Variants in CARNMT1 observed in about 807,000 individuals in gnomAD.
CARNMT1 encodes carnosine N-methyltransferase 1.
In CARNMT1, 28 loss-of-function variants were observed where a neutral mutation model predicts 49.6. The ratio of observed to expected loss-of-function variants is 0.56; its 90% CI spans 0.42 to 0.77. The LOEUF (loss-of-function observed/expected upper bound fraction) is 0.77. Ranked by LOEUF, CARNMT1 falls within the 30% of genes least tolerant of loss-of-function variation. The pLI is 0.00. For synonymous variants in CARNMT1, 178 were observed against 175.0 expected (o/e 1.02, Z -0.13); for missense variants, 421 against 512.6 (o/e 0.82, Z 1.73).
At position 74,983,483 on chromosome 9, in the gene CARNMT1, T is replaced by C. The variant is rs1391388792; in HGVS notation, c.*284A>G. ...CATCATGAAGACACTGGAGATTAGG[T>C]TTTTTTCCTACTGAAACACAATTCT... On this transcript the variant is annotated 3_prime_UTR_variant, in exon 8 of 8. Transcript: ENST00000376834. 4.1e-6 allele frequency: 1 copy of C among 244,936 alleles called. No homozygotes were observed. Among genetic ancestry groups the C allele is most frequent in the African/African-American group, 2.2e-5 (1 of 44,920 alleles). The allele number at this position is 244,936 out of a possible 1,614,324, so 15.2% of individuals were successfully genotyped here.
chr9:74,986,306 CTT>C (rs1028392826), intron 6 of CARNMT1, among the ~76,000 whole-genome samples: 1 of 152,172 alleles, frequency 6.6e-6, no homozygotes, highest in East Asian at 1.9e-4. Context: ...AAAAGTTTTT[CTT>C]TCTCTCTCCT....
intron 6 of CARNMT1, among the ~76,000 whole-genome samples, chr9:74,993,006 C>G (rs2118769667): frequency 6.6e-6 from 1 of 152,306 alleles, no homozygotes; most frequent in East Asian, 1.9e-4. Context: ...ACTTCATCAT[C>G]TCTTCGAGAC....
Position 75,028,284 on chromosome 9 carries a change from G to A in CARNMT1, c.-43C>T, listed in dbSNP as rs966052966. The A allele has an allele frequency of 3.0e-6, 4 of 1,342,404 alleles. No individual in the cohort carries two copies. 83.2% of individuals were successfully genotyped at this position (1,342,404 alleles called of 1,614,324 possible). A position where few individuals can be genotyped will look rare whatever the true frequency, so the allele number is the denominator to read the frequency against. ...GCCTGGCTCGCTTGCGTCTCTCCGC[G>A]ACCGACAGCGTGGTGGCGGCTGCTT... On this transcript the variant is annotated 5_prime_UTR_variant, in exon 1 of 8. Transcript: ENST00000376834.
At chr9:74,984,875 TA>T (rs749774882) in intron 7 of CARNMT1, 31 bp downstream of exon 7, 1 of 1,443,244 alleles carries the variant, frequency 6.9e-7, no homozygotes, top group Non-Finnish European at 9.7e-7. Flanking sequence ...CTTTGGGAGT[TA>T]AACTTTGGCA....
At chr9:75,021,442 TATAA>T (rs1226741908) in intron 1 of CARNMT1, among the ~76,000 whole-genome samples, 1 of 144,192 alleles carries the variant, frequency 6.9e-6, no homozygotes, top group African/African-American at 2.5e-5. Context: ...GTATATATAA[TATAA>T]ATAGTATATA....
rs1237958385 is a variant in CARNMT1, at chr9:75,017,436, A to G, written c.243T>C (p.His81=). 1 of 1,613,770 alleles carries G rather than the reference A, an allele frequency of 6.2e-7. No homozygotes were observed. Among genetic ancestry groups the G allele is most frequent in the African/African-American group, 1.3e-5 (1 of 75,066 alleles). Residue 81 remains histidine, a synonymous_variant, in exon 2 of 8, where the codon CAT becomes CAC. Coordinates refer to ENST00000376834, the MANE Select transcript of CARNMT1 (RefSeq NM_152420.3). ...NAFRYYGTSM[H]ERVNRTERQF... Reference sequence around the variant, plus strand: ...GTCTTTCTGTTCGGTTCACCCGCTCATGCATACTGGTGCTAAAACATAAAA... The same window carrying G: ...GTCTTTCTGTTCGGTTCACCCGCTCGTGCATACTGGTGCTAAAACATAAAA...
chr9:75,016,728 G>C (rs1017560099), intron 2 of CARNMT1: 1 of 306,362 alleles, frequency 3.3e-6, no homozygotes, highest in East Asian at 6.1e-5. Flanking sequence ...CTCTCTAAGA[G>C]AGGGAAGAAA....
intron 1 of CARNMT1, chr9:75,027,331 GA>G: frequency 1.1e-5 from 9 of 838,492 alleles, no homozygotes; most frequent in South Asian, 5.5e-5. Flanking sequence ...CAGATTTGCA[GA>G]AAAAAAGAAC....
intron 7 of CARNMT1, 25 bp downstream of exon 7, chr9:74,984,882 T>C (rs761164153): frequency 4.7e-6 from 7 of 1,487,122 alleles, no homozygotes; most frequent in East Asian, 2.3e-5. Context: ...AGTTAAACTT[T>C]GGCAATATTT....
intron 6 of CARNMT1, among the ~76,000 whole-genome samples, chr9:74,993,734 A>G (rs961971086): frequency 6.6e-6 from 1 of 152,140 alleles, no homozygotes; most frequent in Non-Finnish European, 1.5e-5. Context: ...GAGGCCAGGA[A>G]GGCTGTTAAC....
chr9:74,993,915 G>A (rs1027107825), intron 6 of CARNMT1, among the ~76,000 whole-genome samples: 4 of 152,156 alleles, frequency 2.6e-5, no homozygotes, highest in Admixed American at 6.6e-5. Context: ...GACAAACAGC[G>A]AGGAAAAAGA....
chr9:75,003,887 T>C (rs111460507), intron 3 of CARNMT1, among the ~76,000 whole-genome samples: 3 of 152,264 alleles, frequency 2.0e-5, no homozygotes, highest in African/African-American at 7.2e-5. Context: ...TTGTTCTGTT[T>C]TGCTATGAGA....
chr9:74,999,976 G>T, intron 3 of CARNMT1, 106 bp from the exon 4 acceptor site: 1 of 976,698 alleles, frequency 1.0e-6, no homozygotes. Flanking sequence ...ATAAGAATAA[G>T]CTAAGACTCT....
intron 3 of CARNMT1, among the ~76,000 whole-genome samples, chr9:75,010,946 A>C (rs181624605): frequency 6.6e-6 from 1 of 152,324 alleles, no homozygotes; most frequent in Admixed American, 6.5e-5. Flanking sequence ...AATTATTTAA[A>C]ATGATTACTT....
chr9:74,985,106 G>A (rs565781060), intron 6 of CARNMT1, 96 bp from the exon 7 acceptor site: 1 of 896,974 alleles, frequency 1.1e-6, no homozygotes, highest in South Asian at 1.6e-5. Flanking sequence ...GGTACTGGAT[G>A]AGACAAACAT....
chr9:74,991,795 T>G (rs1458524419), intron 6 of CARNMT1: 2 of 152,180 alleles, frequency 1.3e-5, no homozygotes, highest in African/African-American at 4.8e-5. Flanking sequence ...CACATGTGTT[T>G]TTCTTCGCAA....
chr9:75,012,845 G>A (rs1451126220), intron 3 of CARNMT1, among the ~76,000 whole-genome samples: 3 of 151,696 alleles, frequency 2.0e-5, no homozygotes, highest in East Asian at 3.9e-4. Context: ...GTGAACCCGG[G>A]AGGCGGAGGT....
chr9:74,997,857 GT>G (rs144544591), intron 5 of CARNMT1, among the ~76,000 whole-genome samples: 9,565 of 151,976 alleles, frequency 0.063, 514 homozygotes, highest in Admixed American at 0.14. Context: ...CAGGGATTTT[GT>G]TTTGTTCACT....
At chr9:75,014,176 G>C (rs1017577652) in intron 3 of CARNMT1, among the ~76,000 whole-genome samples, 1 of 152,094 alleles carries the variant, frequency 6.6e-6, no homozygotes, top group African/African-American at 2.4e-5. Context: ...AAACTGCAAA[G>C]AATAAATTCA....
Sources: gnomAD v4.1 joint callset for allele counts (sites outside exome capture counted in the v4.1 genomes callset) on GRCh38, gnomAD v4.1.1 for gene constraint, MANE v1.5 for transcripts, NCBI Gene and HGNC (gene_info 2026-07-23, HGNC 2026-07-21) for gene names.